Variants in TJP2 observed in about 807,000 individuals in gnomAD.
The protein encoded by TJP2 is tight junction protein 2, also known as Friedreich ataxia region gene X104 (tight junction protein ZO-2).
A neutral mutation model predicts 133.1 loss-of-function variants in TJP2; 91 were observed. The ratio of observed to expected loss-of-function variants is 0.68; its 90% CI spans 0.58 to 0.81. The LOEUF (loss-of-function observed/expected upper bound fraction) is 0.81, where lower values mean the gene tolerates loss of function less well. Among genes scored for constraint, TJP2 ranks in the 40% least tolerant of loss-of-function variants. The pLI is 0.00. For synonymous variants in TJP2, 592 were observed against 583.4 expected, an observed-to-expected ratio of 1.01 and a Z score of -0.21; for missense variants, 1,541 against 1,565.6, an observed-to-expected ratio of 0.98 and a Z score of 0.26.
chr9:69,232,145 C>T (rs1829833015), intron 11 of TJP2, among the ~76,000 whole-genome samples: 2 of 151,950 alleles, frequency 1.3e-5, no homozygotes, highest in African/African-American at 4.8e-5. Flanking sequence ...TTCTTGTTAT[C>T]ACCCTGGCAA....
At position 69,221,216 on chromosome 9, in the gene TJP2, C is replaced by T; in HGVS notation, c.672C>T (p.Gly224=). ...GCCGTGGCCGGAGCCTGGAGCGGGG[C>T]CTGGACCACGACTTTGGGCCATCCC... The part of the protein sequence containing the change: ...DRSRGRSLER[G]LDHDFGPSRD... Residue 224 remains glycine, a synonymous_variant, in exon 5 of 23, where the codon GGC becomes GGT. Coordinates refer to ENST00000377245, the MANE Select transcript of TJP2 (RefSeq NM_004817.4). 1 of 1,604,518 alleles carries T rather than the reference C, an allele frequency of 6.2e-7. No individual in the cohort carries two copies. Among genetic ancestry groups the T allele is most frequent in the Non-Finnish European group, 8.5e-7 (1 of 1,175,768 alleles).
rs577462168 is a variant in TJP2, at chr9:69,149,017, T to C, written c.-130-2634T>C. On this transcript the variant is annotated intron_variant, in intron 1 of 5. Transcript: ENST00000423935. ...TGTAAAGTTTTTCAGCTTTAACTCA[T>C]GTTACCTGACAATTTTACATTATCT... is the stretch of plus-strand genomic sequence containing the variant. Among the ~76,000 whole-genome samples, 134 of 152,360 alleles carry C rather than the reference T, an allele frequency of 8.8e-4. 2 individuals are homozygous for C. The highest frequency in any genetic ancestry group is 3.1e-3 in the African/African-American group (128 of 41,578).
At chr9:69,238,886 A>T in intron 16 of TJP2, 97 bp downstream of exon 16, 1 of 1,088,020 alleles carries the variant, frequency 9.2e-7, no homozygotes. Context: ...TTAATCATTA[A>T]ATGTTAATAA....
chr9:69,234,732 T>G (rs1830056798), intron 12 of TJP2, among the ~76,000 whole-genome samples, 185 bp downstream of exon 12: 1 of 152,158 alleles, frequency 6.6e-6, no homozygotes, highest in Non-Finnish European at 1.5e-5. Context: ...TCCATAAAAA[T>G]GTTTTCTATG....
Position 69,144,101 on chromosome 9 carries a change from C to T in TJP2, c.-130-7550C>T, listed in dbSNP as rs1272039057. 9.2e-5 allele frequency among the ~76,000 whole-genome samples: 14 copies of T among 152,234 alleles called. No individual in the cohort carries two copies. The East Asian group carries it at 2.1e-3, about 23-fold the overall frequency. Reference sequence around the variant, plus strand: ...TACTGCAGCCTCGAACTTGTGGGCTCAAGTGATCCTCCTGCCTCAGCCTCC... The same window carrying T: ...TACTGCAGCCTCGAACTTGTGGGCTTAAGTGATCCTCCTGCCTCAGCCTCC... On this transcript the variant is annotated intron_variant, in intron 1 of 5. Transcript: ENST00000423935.
At chr9:69,213,055 ATTTTTTT>A (rs551659577) in intron 2 of TJP2, among the ~76,000 whole-genome samples, 1 of 76,546 alleles carries the variant, frequency 1.3e-5, no homozygotes, top group Non-Finnish European at 2.5e-5. Context: ...GTGGTTCTGC[ATTTTTTT>A]TTTTTTTTTT....
intron 1 of TJP2, among the ~76,000 whole-genome samples, chr9:69,145,231 G>A (rs1339352596): frequency 6.6e-6 from 1 of 152,136 alleles, no homozygotes; most frequent in Non-Finnish European, 1.5e-5. Context: ...ACTTGTCAAA[G>A]CACAGGCTTT....
At position 69,240,290 on chromosome 9, in the gene TJP2, G is replaced by T. The variant is rs368729193; in HGVS notation, c.2566+143G>T. ...GAAAAATAGTTAATCCTATAAAATG[G>T]GATATTAGGCCAATGGCATTTATAT... is the stretch of plus-strand genomic sequence containing the variant. On this transcript the variant is annotated intron_variant, in intron 17 of 22. Transcript: ENST00000377245. 2.5e-4 allele frequency: 212 copies of T among 861,808 alleles called. No individual in the cohort carries two copies. The African/African-American group carries it at 3.1e-3, about 13-fold the overall frequency. 53.4% of individuals were successfully genotyped at this position (861,808 alleles called of 1,614,324 possible). A position where few individuals can be genotyped will look rare whatever the true frequency, so the allele number is the denominator to read the frequency against.
At chr9:69,138,619 T>C (rs1210908519) in intron 1 of TJP2, among the ~76,000 whole-genome samples, 2 of 151,644 alleles carry the variant, frequency 1.3e-5, no homozygotes, top group East Asian at 2.0e-4. Context: ...ATACAAAAAT[T>C]AGCCAGGCAG....
chr9:69,206,215 T>G (rs1468683987), intron 1 of TJP2, among the ~76,000 whole-genome samples: 2 of 152,124 alleles, frequency 1.3e-5, no homozygotes, highest in Non-Finnish European at 2.9e-5. Context: ...TGAAAGCACA[T>G]TGAAGATCCT....
upstream of TJP2, chr9:69,174,017 C>A: frequency 9.7e-7 from 1 of 1,025,806 alleles, no homozygotes; most frequent in Non-Finnish European, 1.2e-6. Flanking sequence ...TCTCCTGCCG[C>A]CGCCGCCGCC....
At chr9:69,158,876 T>TG (rs1823909464) in intron 2 of TJP2, among the ~76,000 whole-genome samples, 1 of 152,190 alleles carries the variant, frequency 6.6e-6, no homozygotes, top group Admixed American at 6.5e-5. Context: ...TCATATCAGT[T>TG]GAATGGTTGG....
chr9:69,225,296 T>C lies in TJP2; in HGVS notation c.953-8T>C, dbSNP rs1319667724. ...ACATACGTGTATGTTTATGTGTTTG[T>C]CTCCTAGAGTATGGTCTCCGGCTTG... On this transcript the variant is annotated splice_polypyrimidine_tract_variant and splice_region_variant and intron_variant, in intron 5 of 22. Coordinates refer to ENST00000377245, the MANE Select transcript of TJP2 (RefSeq NM_004817.4). 1 of 1,589,776 alleles carries C rather than the reference T, an allele frequency of 6.3e-7. No individual in the cohort carries two copies. The highest frequency in any genetic ancestry group is 8.6e-7 in the Non-Finnish European group (1 of 1,158,324).
chr9:69,198,141 C>CTTTTTTTTT, intron 1 of TJP2, among the ~76,000 whole-genome samples: 1 of 96,346 alleles, frequency 1.0e-5, no homozygotes, highest in Non-Finnish European at 2.1e-5. Context: ...TTTCCCAATT[C>CTTTTTTTTT]TTTTTTTTTT....
At chr9:69,196,423 C>G (rs923469698) in intron 1 of TJP2, among the ~76,000 whole-genome samples, 2 of 152,160 alleles carry the variant, frequency 1.3e-5, no homozygotes, top group Non-Finnish European at 2.9e-5. Flanking sequence ...TCTCTACATG[C>G]ACTGTCTGAT....
chr9:69,248,566 ATTAGGTTTCTCTCTGTACTC>A (rs1430672653), intron 19 of TJP2: 71 of 1,212,672 alleles, frequency 5.9e-5, no homozygotes, highest in Admixed American at 3.3e-4. Context: ...GTAACCTTTG[ATTAGGTTTCTCTCTGTACTC>A]TTAGATGTCC....
rs188891556 is a variant in TJP2 at position 69,154,343 on chromosome 9, A to T, written c.-10+2572A>T. ...GATTGGCAATGTCCGGCGTGGGTGG[A>T]GCAGGTGTCTGCCAAACCGCTCTGG... On this transcript the variant is annotated intron_variant, in intron 2 of 5. Transcript: ENST00000423935. Among the ~76,000 whole-genome samples the T allele has an allele frequency of 7.2e-4, 110 of 152,276 alleles. 2 individuals carry two copies. The highest frequency in any genetic ancestry group is 3.4e-3 in the Middle Eastern group (1 of 294).
At chr9:69,230,956 G>A (rs1306537431) in intron 11 of TJP2, among the ~76,000 whole-genome samples, 1 of 152,118 alleles carries the variant, frequency 6.6e-6, no homozygotes, top group Non-Finnish European at 1.5e-5. Context: ...ATTACTATGT[G>A]TTTGTATAAT....
chr9:69,196,497 T>G (rs2133092967), intron 1 of TJP2, among the ~76,000 whole-genome samples: 1 of 152,276 alleles, frequency 6.6e-6, no homozygotes, highest in South Asian at 2.1e-4. Flanking sequence ...GCTTTACAGA[T>G]GGAGGAAACT....
Sources: gnomAD v4.1 joint callset for allele counts (sites outside exome capture counted in the v4.1 genomes callset) on GRCh38, gnomAD v4.1.1 for gene constraint, MANE v1.5 for transcripts, NCBI Gene and HGNC (gene_info 2026-07-23, HGNC 2026-07-21) for gene names.